The following SLC49A4 variants were observed in gnomAD, a reference collection of about 807,000 sequenced individuals.
SLC49A4 encodes solute carrier family 49 member 4.
Under a neutral mutation model 50.6 loss-of-function variants are expected in SLC49A4, and 36 were observed. The observed-to-expected ratio is 0.71, with a 90% CI of 0.55 to 0.94. SLC49A4 has a LOEUF of 0.94. SLC49A4 is among the 40% of genes least tolerant of loss of function. SLC49A4 has a pLI of 0.00. For synonymous variants in SLC49A4, 248 were observed against 241.2 expected, an observed-to-expected ratio of 1.03 and a Z score of -0.26; for missense variants, 503 against 605.7, an observed-to-expected ratio of 0.83 and a Z score of 1.78.
chr3:122,845,544 A>G (rs900378441), intron 4 of SLC49A4, among the ~76,000 whole-genome samples: 3 of 150,938 alleles, frequency 2.0e-5, no homozygotes, highest in African/African-American at 7.3e-5. Context: ...TGGTGGCTGA[A>G]CCAATTTACA....
At chr3:122,823,139 C>T (rs1936476928) in intron 2 of SLC49A4, among the ~76,000 whole-genome samples, 1 of 152,210 alleles carries the variant, frequency 6.6e-6, no homozygotes, top group Admixed American at 6.5e-5. Context: ...ACCCTCTAGT[C>T]TTATGCACTA....
intron 2 of SLC49A4, among the ~76,000 whole-genome samples, chr3:122,822,851 A>G (rs890690357): frequency 6.6e-6 from 1 of 152,144 alleles, no homozygotes; most frequent in African/African-American, 2.4e-5. Flanking sequence ...CTTCTGGCCT[A>G]TATTAGCCAC....
intron 2 of SLC49A4, among the ~76,000 whole-genome samples, chr3:122,822,570 G>T (rs1289549950): frequency 2.6e-5 from 4 of 152,106 alleles, no homozygotes; most frequent in East Asian, 1.9e-4. Context: ...GCTGAATCTG[G>T]TGGTTACATT....
intron 8 of SLC49A4, among the ~76,000 whole-genome samples, chr3:122,877,963 G>A (rs962717674): frequency 5.3e-5 from 8 of 152,116 alleles, no homozygotes; most frequent in African/African-American, 9.7e-5. Context: ...CTATAGAATA[G>A]CATGTCTGAC....
intron 2 of SLC49A4, among the ~76,000 whole-genome samples, 199 bp from the exon 3 acceptor site, chr3:122,826,601 A>G (rs538008496): frequency 6.6e-6 from 1 of 152,378 alleles, no homozygotes; most frequent in Admixed American, 6.5e-5. Context: ...GGTAACTATT[A>G]CTATGTTTGA....
rs1937322582 is a variant in SLC49A4, at chr3:122,880,440, A to G, written c.*1062A>G. The G allele has an allele frequency of 6.6e-6, 1 of 152,292 alleles. No individual in the cohort carries two copies. Among genetic ancestry groups the G allele is most frequent in the Non-Finnish European group, 1.5e-5 (1 of 68,046 alleles). 9.4% of individuals were successfully genotyped at this position (152,292 alleles called of 1,614,324 possible). A position where few individuals can be genotyped will look rare whatever the true frequency, so the allele number is the denominator to read the frequency against. On this transcript the variant is annotated 3_prime_UTR_variant, in exon 9 of 9. Transcript: ENST00000261038. ...TACCTATCTTCTTTCTACAGAAGAT[A>G]GCTTTTTAAGAAATAAGAGTTCCAC...
intron 5 of SLC49A4, among the ~76,000 whole-genome samples, chr3:122,853,268 C>T (rs1438957429): frequency 6.6e-6 from 1 of 152,134 alleles, no homozygotes; most frequent in Admixed American, 6.6e-5. Flanking sequence ...TCCTAAAGGC[C>T]CCCACCTCTT....
intron 5 of SLC49A4, among the ~76,000 whole-genome samples, chr3:122,846,340 A>G (rs1936849660): frequency 6.6e-6 from 1 of 152,190 alleles, no homozygotes; most frequent in South Asian, 2.1e-4. Context: ...AGCATGGTAG[A>G]AAGGAGGAGA....
intron 4 of SLC49A4, among the ~76,000 whole-genome samples, chr3:122,837,164 C>T (rs1936699181): frequency 6.6e-6 from 1 of 152,130 alleles, no homozygotes; most frequent in African/African-American, 2.4e-5. Context: ...TCAATGCCAT[C>T]CCCATCAAGC....
chr3:122,815,135 G>A (rs148080086), intron 2 of SLC49A4, among the ~76,000 whole-genome samples: 1 of 151,826 alleles, frequency 6.6e-6, no homozygotes, highest in African/African-American at 2.4e-5. Flanking sequence ...TGTCACCCAG[G>A]CTGGAGTGCA....
chr3:122,854,535 A>G lies in SLC49A4; in HGVS notation c.943-1772A>G, dbSNP rs149071388. ...TTCTGTCCCCTAGGACCTTGTCATT[A>G]TATGCATGGGTGCAGCTGGGCAGCT... On this transcript the variant is annotated intron_variant, in intron 5 of 8. Transcript: ENST00000261038. 1.3e-3 allele frequency among the ~76,000 whole-genome samples: 191 copies of G among 152,318 alleles called. 2 individuals carry two copies. The highest frequency in any genetic ancestry group is 4.3e-3 in the African/African-American group (179 of 41,576).
At chr3:122,830,377 C>T (rs1936592846) in intron 3 of SLC49A4, among the ~76,000 whole-genome samples, 1 of 152,134 alleles carries the variant, frequency 6.6e-6, no homozygotes, top group Admixed American at 6.5e-5. Context: ...TGAAAAGGAA[C>T]AAAATTGGAG....
intron 8 of SLC49A4, among the ~76,000 whole-genome samples, chr3:122,876,370 G>A (rs561688345): frequency 6.6e-6 from 1 of 152,210 alleles, no homozygotes; most frequent in African/African-American, 2.4e-5. Context: ...ATGTGAGGCT[G>A]TGTTGTCACT....
intron 6 of SLC49A4, among the ~76,000 whole-genome samples, chr3:122,859,541 A>G (rs1937031235): frequency 1.3e-5 from 2 of 152,228 alleles, no homozygotes; most frequent in African/African-American, 4.8e-5. Flanking sequence ...AGAAAATGAC[A>G]GTGACACTTA....
At chr3:122,865,068 T>C (rs1194115380) in intron 7 of SLC49A4, among the ~76,000 whole-genome samples, 1 of 152,240 alleles carries the variant, frequency 6.6e-6, no homozygotes. Flanking sequence ...ATCCTCTTAC[T>C]ATATTTTCAT....
chr3:122,856,709 G>A (rs539059763), intron 6 of SLC49A4, among the ~76,000 whole-genome samples: 2 of 151,980 alleles, frequency 1.3e-5, no homozygotes, highest in Admixed American at 1.3e-4. Flanking sequence ...GGTGATGAGC[G>A]CCTGTAGTCC....
At chr3:122,822,358 T>C (rs1182174694) in intron 2 of SLC49A4, among the ~76,000 whole-genome samples, 1 of 152,222 alleles carries the variant, frequency 6.6e-6, no homozygotes, top group Non-Finnish European at 1.5e-5. Context: ...GGAGAGACTT[T>C]TTAGTTCAGA....
chr3:122,806,811 C>T (rs748932666), intron 1 of SLC49A4, 46 bp from the exon 2 acceptor site: 1 of 1,159,628 alleles, frequency 8.6e-7, no homozygotes, highest in Admixed American at 1.7e-5. Flanking sequence ...TAACATTGGA[C>T]TTAGGAGAAA....
chr3:122,805,334 T>C (rs551011076), intron 1 of SLC49A4, among the ~76,000 whole-genome samples: 3 of 152,184 alleles, frequency 2.0e-5, no homozygotes, highest in African/African-American at 7.2e-5. Flanking sequence ...ATAAAGTAAT[T>C]CAGTTCATAT....
Sources: allele counts gnomAD v4.1 joint callset (sites outside exome capture counted in the v4.1 genomes callset), GRCh38; gene constraint gnomAD v4.1.1; transcripts MANE v1.5; gene names NCBI Gene and HGNC (gene_info 2026-07-23, HGNC 2026-07-21).